The following RPS6KC1 variants were observed in gnomAD, a reference collection of about 807,000 sequenced individuals.
RPS6KC1 encodes the protein inactive ribosomal protein S6 kinase delta-1.
RPS6KC1 carries 54 observed loss-of-function variants against 103.8 expected under a neutral mutation model. The observed-to-expected ratio is 0.52, with a 90% confidence interval of 0.42 to 0.65. The LOEUF is 0.65. RPS6KC1 is among the 30% of genes least tolerant of loss of function. The pLI is 0.00. For synonymous variants in RPS6KC1, 439 were observed against 438.7 expected (o/e 1.00, Z -0.01); for missense variants, 1,151 against 1,253.8 (o/e 0.92, Z 1.24).
At chr1:213,629,922 T>C in the RPS6KC1 span, among the ~76,000 whole-genome samples, 1 of 152,218 alleles carries the variant, frequency 6.6e-6, no homozygotes, top group East Asian at 1.9e-4. Flanking sequence ...TCCACTCTCT[T>C]GTGGCTTGTA....
chr1:213,230,701 G>T (rs1041354702), intron 9 of RPS6KC1, among the ~76,000 whole-genome samples, 157 bp downstream of exon 9: 7 of 151,872 alleles, frequency 4.6e-5, no homozygotes, highest in Non-Finnish European at 8.8e-5. Context: ...CGGGTATAAT[G>T]GTGGGCTTCT....
At chr1:213,360,439 A>G in the RPS6KC1 span, among the ~76,000 whole-genome samples, 2 of 152,084 alleles carry the variant, frequency 1.3e-5, no homozygotes, top group Admixed American at 1.3e-4. Context: ...TGCATTGGTT[A>G]TTCTAGTTAG....
At chr1:213,181,272 A>G (rs1397678827) in intron 8 of RPS6KC1, among the ~76,000 whole-genome samples, 1 of 152,194 alleles carries the variant, frequency 6.6e-6, no homozygotes, top group Admixed American at 6.5e-5. Context: ...ATTTATTGTC[A>G]CTGAAAAACA....
chr1:213,774,350 T>G, the RPS6KC1 span, among the ~76,000 whole-genome samples: 4 of 152,300 alleles, frequency 2.6e-5, no homozygotes, highest in South Asian at 2.1e-4. Context: ...TCAGTGTGAT[T>G]TCAGAATACA....
the RPS6KC1 span, among the ~76,000 whole-genome samples, chr1:213,398,196 C>CTTTTTTTTTT: frequency 1.2e-3 from 127 of 109,450 alleles, no homozygotes; most frequent in African/African-American, 2.1e-3. Flanking sequence ...CACACCTGGC[C>CTTTTTTTTTT]TTTTTTTTTT....
intron 9 of RPS6KC1, among the ~76,000 whole-genome samples, chr1:213,231,553 A>G (rs2094104920): frequency 6.6e-6 from 1 of 152,182 alleles, no homozygotes; most frequent in South Asian, 2.1e-4. Context: ...AGTAGGTCAC[A>G]TTGACACATA....
the RPS6KC1 span, among the ~76,000 whole-genome samples, chr1:213,797,218 G>A: frequency 3.3e-5 from 5 of 152,180 alleles, no homozygotes; most frequent in East Asian, 1.9e-4. Context: ...TTCCAATCTC[G>A]ATTTACAACA....
intron 6 of RPS6KC1, among the ~76,000 whole-genome samples, chr1:213,158,078 A>T (rs1240407076): frequency 6.6e-6 from 1 of 152,036 alleles, no homozygotes; most frequent in Non-Finnish European, 1.5e-5. Context: ...TATAGACAGG[A>T]TATAGTTAGA....
the RPS6KC1 span, among the ~76,000 whole-genome samples, chr1:213,454,090 GTAAT>G: frequency 6.6e-6 from 1 of 151,946 alleles, no homozygotes; most frequent in African/African-American, 2.4e-5. Context: ...TAGGCTATGA[GTAAT>G]TACGTTTTGG....
At chr1:213,309,662 C>T in the RPS6KC1 span, among the ~76,000 whole-genome samples, 1 of 152,102 alleles carries the variant, frequency 6.6e-6, no homozygotes, top group Non-Finnish European at 1.5e-5. Context: ...CAGAGTTGTG[C>T]TTGATTCTCC....
At chr1:213,450,271 C>G in the RPS6KC1 span, among the ~76,000 whole-genome samples, 2 of 151,522 alleles carry the variant, frequency 1.3e-5, no homozygotes, top group Non-Finnish European at 2.9e-5. Flanking sequence ...CCCTGGCTTG[C>G]GATTGTATTT....
the RPS6KC1 span, among the ~76,000 whole-genome samples, chr1:213,743,480 A>G: frequency 6.6e-6 from 1 of 152,220 alleles, no homozygotes; most frequent in Non-Finnish European, 1.5e-5. Context: ...AAACATGCAC[A>G]TGTACCCTCT....
intron 3 of RPS6KC1, among the ~76,000 whole-genome samples, chr1:213,086,674 T>A (rs1460254258): frequency 6.6e-6 from 1 of 152,244 alleles, no homozygotes; most frequent in African/African-American, 2.4e-5. Flanking sequence ...GCTACAGAGA[T>A]CACTATCTGG....
the RPS6KC1 span, among the ~76,000 whole-genome samples, chr1:213,633,030 A>G: frequency 6.6e-6 from 1 of 152,246 alleles, no homozygotes; most frequent in Non-Finnish European, 1.5e-5. Flanking sequence ...CAAAGCCTCC[A>G]AGAAATATGG....
At chr1:213,733,366 A>G in the RPS6KC1 span, among the ~76,000 whole-genome samples, 1 of 151,734 alleles carries the variant, frequency 6.6e-6, no homozygotes, top group Admixed American at 6.6e-5. Flanking sequence ...CTGCCTCCAG[A>G]GTAGGTGGGA....
chr1:213,393,538 A>G, the RPS6KC1 span, among the ~76,000 whole-genome samples: 4 of 152,166 alleles, frequency 2.6e-5, no homozygotes, highest in Non-Finnish European at 5.9e-5. Flanking sequence ...AAGACCAACT[A>G]TCTTTTTTTG....
chr1:213,434,574 G>A, the RPS6KC1 span, among the ~76,000 whole-genome samples: 205 of 152,076 alleles, frequency 1.3e-3, no homozygotes, highest in African/African-American at 4.7e-3. Flanking sequence ...TCCCACCTTG[G>A]CCTCCTGAGT....
At chr1:213,144,507 C>T (rs1444260415) in intron 6 of RPS6KC1, among the ~76,000 whole-genome samples, 3 of 152,054 alleles carry the variant, frequency 2.0e-5, no homozygotes, top group Non-Finnish European at 4.4e-5. Flanking sequence ...CCAGCCCCAG[C>T]CTCCCACAGT....
the RPS6KC1 span, among the ~76,000 whole-genome samples, chr1:213,460,405 CTTT>C: frequency 2.0e-4 from 22 of 111,138 alleles, no homozygotes; most frequent in East Asian, 9.8e-4. Context: ...GCAACCCCTG[CTTT>C]TTTTTTTTTT....
Sources: allele counts gnomAD v4.1 joint callset (sites outside exome capture counted in the v4.1 genomes callset), GRCh38; gene constraint gnomAD v4.1.1; transcripts MANE v1.5; gene names NCBI Gene and HGNC (gene_info 2026-07-23, HGNC 2026-07-21).